The following RAB3C variants were observed in gnomAD, a reference collection of about 807,000 sequenced individuals.
RAB3C encodes the protein ras-related protein Rab-3C.
In RAB3C, 17 loss-of-function variants were observed where a neutral mutation model predicts 26.4. The observed-to-expected ratio is 0.64, with a 90% CI of 0.44 to 0.97. The LOEUF (loss-of-function observed/expected upper bound fraction) is 0.97, where lower values mean the gene tolerates loss of function less well. Among genes scored for constraint, RAB3C ranks in the 50% least tolerant of loss-of-function variants. The pLI is 0.00. For synonymous variants in RAB3C, 91 were observed against 95.9 expected, an observed-to-expected ratio of 0.95 and a Z score of 0.30; for missense variants, 242 against 281.9, an observed-to-expected ratio of 0.86 and a Z score of 1.01.
intron 3 of RAB3C, among the ~76,000 whole-genome samples, chr5:58,728,698 G>A (rs1042240878): frequency 2.0e-5 from 3 of 151,924 alleles, no homozygotes; most frequent in Non-Finnish European, 4.4e-5. Context: ...CAAATCTCCC[G>A]TGAGATACAC....
intron 3 of RAB3C, among the ~76,000 whole-genome samples, chr5:58,780,271 C>T (rs1389738895): frequency 1.3e-5 from 2 of 152,104 alleles, no homozygotes; most frequent in African/African-American, 4.8e-5. Context: ...GAGACATCCC[C>T]TCTCCTGGAG....
chr5:58,583,431 A>G (rs1176841989), intron 1 of RAB3C, 199 bp downstream of exon 1: 1 of 758,936 alleles, frequency 1.3e-6, no homozygotes, highest in African/African-American at 1.9e-5. Context: ...TTGATGAGGG[A>G]TCGGGCTATT....
At chr5:58,686,042 G>T (rs1365032465) in intron 2 of RAB3C, among the ~76,000 whole-genome samples, 2 of 152,154 alleles carry the variant, frequency 1.3e-5, no homozygotes, top group Admixed American at 1.3e-4. Flanking sequence ...TGGGTGAAAT[G>T]TGAATTAGAG....
chr5:58,710,393 G>T (rs979904467), intron 2 of RAB3C, among the ~76,000 whole-genome samples: 8 of 151,902 alleles, frequency 5.3e-5, no homozygotes, highest in African/African-American at 1.9e-4. Flanking sequence ...GAGGTCAGGA[G>T]TTCGAGACCA....
intron 4 of RAB3C, among the ~76,000 whole-genome samples, chr5:58,842,536 G>T (rs917810973): frequency 8.5e-5 from 13 of 152,102 alleles, no homozygotes; most frequent in African/African-American, 2.9e-4. Flanking sequence ...TTGGTACTAT[G>T]CCCTATTGTC....
chr5:58,668,585 G>A (rs892572578), intron 2 of RAB3C, among the ~76,000 whole-genome samples: 1 of 151,868 alleles, frequency 6.6e-6, no homozygotes, highest in African/African-American at 2.4e-5. Context: ...GTCCACATTA[G>A]GTATATTTGA....
intron 3 of RAB3C, among the ~76,000 whole-genome samples, chr5:58,740,469 T>A (rs1472645038): frequency 1.3e-5 from 2 of 152,204 alleles, no homozygotes; most frequent in African/African-American, 2.4e-5. Context: ...AAAGTTTATA[T>A]CCAGTTATTT....
intron 3 of RAB3C, among the ~76,000 whole-genome samples, chr5:58,792,606 A>G (rs978929641): frequency 6.6e-6 from 1 of 151,984 alleles, no homozygotes; most frequent in Non-Finnish European, 1.5e-5. Flanking sequence ...GAGGGGGGAG[A>G]TGAAGGGGAG....
chr5:58,635,540 A>T (rs759651616), intron 2 of RAB3C, among the ~76,000 whole-genome samples: 43 of 152,206 alleles, frequency 2.8e-4, no homozygotes, highest in Non-Finnish European at 5.4e-4. Context: ...GAGAATTGTC[A>T]TCCTGGGAGT....
At chr5:58,632,119 C>T (rs1328078273) in intron 2 of RAB3C, among the ~76,000 whole-genome samples, 2 of 152,192 alleles carry the variant, frequency 1.3e-5, no homozygotes, top group Middle Eastern at 3.2e-3. Flanking sequence ...CTCAAGTTTG[C>T]AGATGGCCTG....
At chr5:58,810,378 T>TCTCTCG (rs1743045103) in intron 3 of RAB3C, among the ~76,000 whole-genome samples, 1 of 150,238 alleles carries the variant, frequency 6.7e-6, no homozygotes, top group Non-Finnish European at 1.5e-5. Flanking sequence ...TCTCTCTCTC[T>TCTCTCG]CTCTCTCTGT....
chr5:58,829,427 A>C (rs1743564741), intron 4 of RAB3C, among the ~76,000 whole-genome samples: 1 of 152,186 alleles, frequency 6.6e-6, no homozygotes, highest in Admixed American at 6.5e-5. Flanking sequence ...ATAAGAACAA[A>C]GAAAGAAATT....
intron 3 of RAB3C, among the ~76,000 whole-genome samples, chr5:58,736,937 T>C (rs897413883): frequency 6.6e-6 from 1 of 152,160 alleles, no homozygotes; most frequent in Non-Finnish European, 1.5e-5. Flanking sequence ...GGACAGCAGC[T>C]GGAGTGAGCT....
intron 3 of RAB3C, among the ~76,000 whole-genome samples, chr5:58,802,984 G>A (rs371776556): frequency 4.6e-5 from 7 of 152,288 alleles, no homozygotes; most frequent in African/African-American, 1.7e-4. Flanking sequence ...GGGCACAGAG[G>A]CAGTCCAGGG....
At chr5:58,848,243 A>G (rs1389682808) in intron 4 of RAB3C, among the ~76,000 whole-genome samples, 1 of 152,228 alleles carries the variant, frequency 6.6e-6, no homozygotes, top group Non-Finnish European at 1.5e-5. Flanking sequence ...TGAGCAGTGT[A>G]AGATATCAGA....
chr5:58,808,573 T>A (rs1355152149), intron 3 of RAB3C, among the ~76,000 whole-genome samples: 1 of 152,208 alleles, frequency 6.6e-6, no homozygotes, highest in Non-Finnish European at 1.5e-5. Flanking sequence ...CAAGAATTCT[T>A]TTCAATTTCC....
intron 4 of RAB3C, among the ~76,000 whole-genome samples, chr5:58,848,928 T>C (rs1744057805): frequency 6.6e-6 from 1 of 152,192 alleles, no homozygotes; most frequent in South Asian, 2.1e-4. Context: ...ATAGGTGCCA[T>C]TATTTCTGGC....
chr5:58,754,335 G>A (rs555046324), intron 3 of RAB3C, among the ~76,000 whole-genome samples: 41 of 144,178 alleles, frequency 2.8e-4, no homozygotes, highest in African/African-American at 9.5e-4. Flanking sequence ...TATCATTGTC[G>A]GAAGGGCACG....
chr5:58,643,176 C>T (rs529420901), intron 2 of RAB3C, among the ~76,000 whole-genome samples: 1 of 152,198 alleles, frequency 6.6e-6, no homozygotes, highest in African/African-American at 2.4e-5. Context: ...AACAGATTTC[C>T]CAAGCATGGG....
Sources: allele counts gnomAD v4.1 joint callset (sites outside exome capture counted in the v4.1 genomes callset), GRCh38; gene constraint gnomAD v4.1.1; transcripts MANE v1.5; gene names NCBI Gene and HGNC (gene_info 2026-07-23, HGNC 2026-07-21).